Variants in ECE1 observed in about 807,000 individuals in gnomAD.
ECE1 encodes endothelin-converting enzyme 1.
ECE1 carries 35 observed loss-of-function variants against 98.6 expected under a neutral mutation model. That is an observed-to-expected ratio of 0.35 (90% CI 0.27 to 0.47). The LOEUF (loss-of-function observed/expected upper bound fraction) is 0.47, where lower values mean the gene tolerates loss of function less well. Ranked by LOEUF, ECE1 falls within the 20% of genes least tolerant of loss-of-function variation. The pLI, the probability that ECE1 is intolerant of heterozygous loss-of-function variation, is 1.00. For missense variants in ECE1, 814 were observed against 1,025.3 expected (o/e 0.79, Z 2.81); for synonymous variants, 394 against 407.1 (o/e 0.97, Z 0.39).
intron 1 of ECE1, among the ~76,000 whole-genome samples, chr1:21,296,757 C>CT (rs1638365561): frequency 6.6e-6 from 1 of 152,172 alleles, no homozygotes; most frequent in Non-Finnish European, 1.5e-5. Flanking sequence ...GCCTCACCTC[C>CT]TTTTTTTGTG....
chr1:21,237,860 C>T (rs1303676331), intron 11 of ECE1, among the ~76,000 whole-genome samples: 1 of 152,252 alleles, frequency 6.6e-6, no homozygotes, highest in Non-Finnish European at 1.5e-5. Flanking sequence ...GTTCACAGCC[C>T]TTGGAGGTGG....
chr1:21,265,946 A>G (rs2098233302), intron 4 of ECE1: 1 of 152,146 alleles, frequency 6.6e-6, no homozygotes, highest in Non-Finnish European at 1.5e-5. Flanking sequence ...AGAGCTCCAC[A>G]CTGCCTGGGT....
chr1:21,279,376 G>A (rs567072424), intron 2 of ECE1, 44 bp from the exon 3 acceptor site: 32 of 1,613,658 alleles, frequency 2.0e-5, no homozygotes, highest in African/African-American at 5.3e-5. Flanking sequence ...CGTGAGCCCC[G>A]GGCCCCGCTT....
At chr1:21,276,982 T>C (rs1470441931) in intron 3 of ECE1, among the ~76,000 whole-genome samples, 1 of 152,162 alleles carries the variant, frequency 6.6e-6, no homozygotes, top group East Asian at 1.9e-4. Flanking sequence ...CCTCCCAAAG[T>C]GCTGGGATTA....
At chr1:21,331,828 G>A (rs1451239921) in intron 1 of ECE1, among the ~76,000 whole-genome samples, 2 of 152,116 alleles carry the variant, frequency 1.3e-5, no homozygotes, top group Non-Finnish European at 1.5e-5. Flanking sequence ...CTCAAGAAAC[G>A]CTATTATTAT....
At chr1:21,318,475 T>A (rs1028206951) in intron 1 of ECE1, among the ~76,000 whole-genome samples, 54 of 151,920 alleles carry the variant, frequency 3.6e-4, no homozygotes, top group Admixed American at 2.6e-4. Flanking sequence ...CCTGGAGACC[T>A]CCCCTCCCTT....
intron 1 of ECE1, among the ~76,000 whole-genome samples, chr1:21,304,874 A>G (rs1638563494): frequency 6.6e-6 from 1 of 152,254 alleles, no homozygotes; most frequent in African/African-American, 2.4e-5. Context: ...AGGAAAACAG[A>G]AACTGATTCC....
At chr1:21,251,607 T>C (rs1177173191) in intron 8 of ECE1, among the ~76,000 whole-genome samples, 1 of 152,156 alleles carries the variant, frequency 6.6e-6, no homozygotes, top group Non-Finnish European at 1.5e-5. Flanking sequence ...CCTGCGGAGC[T>C]GGTAAGAGAT....
In ECE1 at chr1:21,319,169, AC is replaced by A. The variant is rs1209704290; in HGVS notation, c.3+26206del. On this transcript the variant is annotated intron_variant, in intron 1 of 18. Transcript: ENST00000415912. The surrounding 1 kb of genome is among the most constrained non-coding windows in gnomAD (Gnocchi z 4.4). Reference sequence around the variant, plus strand: ...AGACCAGCTTGGGCAACATGGTGAAACCCCGTCTCCACTAAAATACAAAAAA... The same window carrying A: ...AGACCAGCTTGGGCAACATGGTGAAACCCGTCTCCACTAAAATACAAAAAA... Among the ~76,000 whole-genome samples the A allele has an allele frequency of 8.6e-5, 13 of 151,932 alleles. No individual in the cohort carries two copies. The highest frequency in any genetic ancestry group is 7.9e-4 in the Admixed American group (12 of 15,248).
Position 21,257,600 on chromosome 1 carries a change from G to A in ECE1, c.763-10C>T. The stretch of plus-strand genomic sequence containing the variant: ...GGCCAGACTGGTCCACCTGGCAAGA[G>A]AAGCAGGCATGAGAGGGAATTCGTG... On this transcript the variant is annotated splice_polypyrimidine_tract_variant and intron_variant, in intron 6 of 18. Transcript: ENST00000374893. 1 of 1,614,242 alleles carries A rather than the reference G, an allele frequency of 6.2e-7. No homozygotes were observed. The highest frequency in any genetic ancestry group is 8.5e-7 in the Non-Finnish European group (1 of 1,180,030).
upstream of ECE1, among the ~76,000 whole-genome samples, chr1:21,295,176 T>TC (rs1638318713): frequency 6.6e-6 from 1 of 152,164 alleles, no homozygotes; most frequent in African/African-American, 2.4e-5. Flanking sequence ...CAATAGTACC[T>TC]CCCTCATAGG....
chr1:21,259,638 G>C (rs543697673), intron 5 of ECE1, among the ~76,000 whole-genome samples: 9 of 152,130 alleles, frequency 5.9e-5, no homozygotes, highest in African/African-American at 2.2e-4. Flanking sequence ...CACCAACCCT[G>C]CTGCAATGCT....
intron 2 of ECE1, among the ~76,000 whole-genome samples, chr1:21,285,990 C>CAAAAAAAAA (rs3061092): frequency 1.5e-5 from 1 of 68,916 alleles, no homozygotes. Context: ...GACTCTGTCT[C>CAAAAAAAAA]AAAAAAAAAA....
At chr1:21,239,684 G>A (rs574620556) in intron 10 of ECE1, among the ~76,000 whole-genome samples, 2 of 152,326 alleles carry the variant, frequency 1.3e-5, no homozygotes, top group East Asian at 3.9e-4. Flanking sequence ...GGGGCTGACA[G>A]GAAAGGGGCA....
rs888811259 is a variant in ECE1 at position 21,222,841 on chromosome 1, C to CAAA, written c.2041-1002_2041-1000dup. Among the ~76,000 whole-genome samples the CAAA allele has an allele frequency of 3.6e-3, 100 of 27,542 alleles. 2 individuals are homozygous for CAAA. Among genetic ancestry groups the CAAA allele is most frequent in the Non-Finnish European group, 4.3e-3 (69 of 16,068 alleles). 18.1% of individuals were successfully genotyped at this position (27,542 alleles called of 152,430 possible). A position where few individuals can be genotyped will look rare whatever the true frequency, so the allele number is the denominator to read the frequency against. ...TGGGTGACAGAGTGAGACCCTGTCTCAAAAAAAAAAAAAAAAAAAAAAAAG... is the reference window on the plus strand; with the variant it reads ...TGGGTGACAGAGTGAGACCCTGTCTCAAAAAAAAAAAAAAAAAAAAAAAAAAAG... On this transcript the variant is annotated intron_variant, in intron 17 of 18. Coordinates refer to ENST00000374893, the MANE Select transcript of ECE1 (RefSeq NM_001397.3).
rs550541810 is a variant in ECE1 at position 21,233,922 on chromosome 1, T to C, written c.1567-261A>G. ...TCCCATGTTGTCCAATAGAACCTCC[T>C]GCGATGATGGATGTTCTGTGCTCTA... On this transcript the variant is annotated intron_variant, in intron 13 of 18. Transcript: ENST00000374893. This position sits in a 1 kb window ranked among gnomAD's most constrained non-coding sequence, Gnocchi z 4.0. 6.6e-6 allele frequency among the ~76,000 whole-genome samples: 1 copy of C among 152,162 alleles called. No homozygotes were observed. Among genetic ancestry groups the C allele is most frequent in the African/African-American group, 2.4e-5 (1 of 41,520 alleles).
chr1:21,240,451 C>T (rs2098194646), intron 10 of ECE1, among the ~76,000 whole-genome samples: 1 of 152,166 alleles, frequency 6.6e-6, no homozygotes, highest in African/African-American at 2.4e-5. Flanking sequence ...CATACCACAG[C>T]ACTCCAGCCT....
chr1:21,232,583 G>A (rs2098183172), intron 14 of ECE1, among the ~76,000 whole-genome samples: 1 of 152,044 alleles, frequency 6.6e-6, no homozygotes, highest in African/African-American at 2.4e-5. Flanking sequence ...GCAGGCCTGA[G>A]CTACTGTGAT....
At chr1:21,299,350 T>C (rs1486539603) in intron 1 of ECE1, 1 of 162,496 alleles carries the variant, frequency 6.2e-6, no homozygotes, top group Non-Finnish European at 1.4e-5. Flanking sequence ...GATGACCTCA[T>C]GATGTACTGT....
Sources: allele counts gnomAD v4.1 joint callset (sites outside exome capture counted in the v4.1 genomes callset), GRCh38; gene constraint gnomAD v4.1.1; non-coding constraint Gnocchi (gnomAD v3.1); transcripts MANE v1.5; gene names NCBI Gene and HGNC (gene_info 2026-07-23, HGNC 2026-07-21).